The following SLC25A18 variants were observed in gnomAD, a reference collection of about 807,000 sequenced individuals.
SLC25A18 encodes the protein solute carrier family 25 member 18.
A neutral mutation model predicts 31.1 loss-of-function variants in SLC25A18; 24 were observed. The ratio of observed to expected loss-of-function variants is 0.77; its 90% confidence interval spans 0.56 to 1.08. The LOEUF (loss-of-function observed/expected upper bound fraction) is 1.08. Among genes scored for constraint, SLC25A18 ranks in the 50% least tolerant of loss-of-function variants. The probability of loss-of-function intolerance (pLI) is 0.00; values close to 1 mark genes in which losing one functional copy is unlikely to be tolerated. For missense variants in SLC25A18, 371 were observed against 418.5 expected, an observed-to-expected ratio of 0.89 and a Z score of 0.99; for synonymous variants, 173 against 161.9, an observed-to-expected ratio of 1.07 and a Z score of -0.52.
At position 17,590,191 on chromosome 22, in the gene SLC25A18, C is replaced by CTAT. The variant is rs778896013; in HGVS notation, c.905_907dup (p.Tyr302dup). ...CTCTCTTTGGGATTGCTCAAGGGGTCTATTTTATTGGGATTGGAGAGCGCA... is the reference window on the plus strand; with the variant it reads ...CTCTCTTTGGGATTGCTCAAGGGGTCTATTATTTTATTGGGATTGGAGAGCGCA... On this transcript the variant is annotated inframe_insertion, in exon 11 of 11. Transcript: ENST00000327451. 6.8e-6 allele frequency: 11 copies of CTAT among 1,614,104 alleles called. No individual in the cohort carries two copies. Among genetic ancestry groups the CTAT allele is most frequent in the Non-Finnish European group, 9.3e-6 (11 of 1,180,048 alleles).
intron 2 of SLC25A18, among the ~76,000 whole-genome samples, chr22:17,577,583 T>TTC (rs1555948368): frequency 1.4e-5 from 2 of 146,850 alleles, no homozygotes; most frequent in Admixed American, 1.4e-4. Context: ...CTGTCTATTT[T>TTC]TTTTTTTTTT....
chr22:17,568,551 A>G (rs2051446977), intron 1 of SLC25A18, among the ~76,000 whole-genome samples: 1 of 134,926 alleles, frequency 7.4e-6, no homozygotes, highest in South Asian at 2.3e-4. Context: ...AATATAAAGT[A>G]CATCTTTTTT....
chr22:17,589,729 G>C, intron 10 of SLC25A18, 64 bp downstream of exon 10: 1 of 1,510,602 alleles, frequency 6.6e-7, no homozygotes, highest in Non-Finnish European at 9.2e-7. Flanking sequence ...TGTCTGCCTA[G>C]ACCAGATTTA....
At chr22:17,590,002 A>G (rs7289980) in intron 10 of SLC25A18, 93 bp from the exon 11 acceptor site, 3 of 1,535,248 alleles carry the variant, frequency 2.0e-6, no homozygotes, top group East Asian at 4.5e-5. Context: ...GCACTATTCT[A>G]AAATGAGAGG....
intron 1 of SLC25A18, among the ~76,000 whole-genome samples, chr22:17,565,818 G>A (rs2056922397): frequency 6.6e-6 from 1 of 152,160 alleles, no homozygotes; most frequent in African/African-American, 2.4e-5. Flanking sequence ...AGTGAGCCGA[G>A]ATCGTGCCAT....
chr22:17,575,060 C>T (rs1186440919), intron 2 of SLC25A18, among the ~76,000 whole-genome samples: 1 of 151,896 alleles, frequency 6.6e-6, no homozygotes, highest in Admixed American at 6.6e-5. Context: ...CCACATTGGC[C>T]AGGCTAGTCT....
intron 2 of SLC25A18, among the ~76,000 whole-genome samples, chr22:17,578,103 G>A (rs1475227306): frequency 6.6e-6 from 1 of 151,180 alleles, no homozygotes; most frequent in African/African-American, 2.4e-5. Context: ...TCCCATCTCA[G>A]CCTCCTGAGT....
chr22:17,565,368 A>G (rs1184405049), intron 1 of SLC25A18, among the ~76,000 whole-genome samples: 1 of 151,520 alleles, frequency 6.6e-6, no homozygotes, highest in Middle Eastern at 3.2e-3. Context: ...GGCGTGAGCC[A>G]CCACGCCCTG....
At chr22:17,579,631 A>G in intron 2 of SLC25A18, 114 bp from the exon 3 acceptor site, 1 of 827,688 alleles carries the variant, frequency 1.2e-6, no homozygotes, top group Non-Finnish European at 1.6e-6. Flanking sequence ...TTGAATCCCA[A>G]AGTCCAAAAG....
At chr22:17,589,129 C>T (rs1361685009) in intron 9 of SLC25A18, 1 of 153,524 alleles carries the variant, frequency 6.5e-6, no homozygotes, top group African/African-American at 2.4e-5. Context: ...AAGAAGAAGA[C>T]CTCCACTTAC....
At position 17,576,832 on chromosome 22, in the gene SLC25A18, T is replaced by G. The variant is rs540960837; in HGVS notation, c.-200-2913T>G. Among the ~76,000 whole-genome samples, 13 of 152,342 alleles carry G rather than the reference T, an allele frequency of 8.5e-5. No individual in the cohort carries two copies. The East Asian group carries it at 2.3e-3, about 27-fold the overall frequency. ...ATTATCACATCTGTTAGCTATGCTA[T>G]GGAGTGGCCCTGGGATTAGGGTGTC... is the stretch of plus-strand genomic sequence containing the variant. On this transcript the variant is annotated intron_variant, in intron 2 of 10. Transcript: ENST00000327451.
intron 2 of SLC25A18, among the ~76,000 whole-genome samples, chr22:17,572,746 A>C (rs1422992310): frequency 7.6e-6 from 1 of 131,984 alleles, no homozygotes. Context: ...GGTTCACACC[A>C]TTCTCCTGCC....
chr22:17,572,704 C>G (rs577511162), intron 2 of SLC25A18, among the ~76,000 whole-genome samples: 1,729 of 124,586 alleles, frequency 0.014, 37 homozygotes, highest in African/African-American at 0.066. Flanking sequence ...TGCAGTGGCG[C>G]GATCTCGGCT....
At chr22:17,585,922 G>C (rs2057537984) in intron 7 of SLC25A18, among the ~76,000 whole-genome samples, 1 of 151,856 alleles carries the variant, frequency 6.6e-6, no homozygotes, top group Non-Finnish European at 1.5e-5. Flanking sequence ...CTAAGTACTG[G>C]GATTACAGGT....
At chr22:17,588,472 C>A in intron 9 of SLC25A18, 1 of 188,632 alleles carries the variant, frequency 5.3e-6, no homozygotes, top group Non-Finnish European at 1.1e-5. Context: ...CATGGTGAAA[C>A]CCCGTCTCTA....
intron 3 of SLC25A18, chr22:17,580,833 G>C: frequency 7.6e-7 from 1 of 1,315,346 alleles, no homozygotes; most frequent in Non-Finnish European, 9.7e-7. Context: ...GGACTTCCCG[G>C]GTTGCAGCAA....
chr22:17,580,426 G>T (rs1227236106), intron 3 of SLC25A18: 2 of 568,650 alleles, frequency 3.5e-6, no homozygotes, highest in Non-Finnish European at 4.5e-6. Flanking sequence ...CCAGCAGGGT[G>T]GGGGGCCATG....
intron 2 of SLC25A18, among the ~76,000 whole-genome samples, chr22:17,572,242 G>C (rs960094020): frequency 6.6e-6 from 1 of 151,946 alleles, no homozygotes; most frequent in Non-Finnish European, 1.5e-5. Context: ...CCAGCACTTT[G>C]GGAGGCCAAG....
chr22:17,585,641 ATTATTATTATT>A (rs2057525489), intron 7 of SLC25A18, among the ~76,000 whole-genome samples: 25 of 137,458 alleles, frequency 1.8e-4, no homozygotes, highest in Non-Finnish European at 3.2e-4. Flanking sequence ...TTTTATTATT[ATTATTATTATT>A]TTTTTTTTTT....
Sources: gnomAD v4.1 joint callset for allele counts (sites outside exome capture counted in the v4.1 genomes callset) on GRCh38, gnomAD v4.1.1 for gene constraint, MANE v1.5 for transcripts, NCBI Gene and HGNC (gene_info 2026-07-23, HGNC 2026-07-21) for gene names.